Variants in FNDC3A observed in about 807,000 individuals in gnomAD.
FNDC3A encodes fibronectin type-III domain-containing protein 3A.
Under a neutral mutation model 148.9 loss-of-function variants are expected in FNDC3A, and 32 were observed. That is an observed-to-expected ratio of 0.21 (90% confidence interval 0.16 to 0.29). The LOEUF (loss-of-function observed/expected upper bound fraction) is 0.29, where lower values mean the gene tolerates loss of function less well. Ranked by LOEUF, FNDC3A falls within the 10% of genes least tolerant of loss-of-function variation. The pLI, the probability that FNDC3A is intolerant of heterozygous loss-of-function variation, is 1.00. For missense variants in FNDC3A, 1,191 were observed against 1,452.8 expected (o/e 0.82, Z 2.93); for synonymous variants, 472 against 473.6 (o/e 1.00, Z 0.04).
intron 2 of FNDC3A, among the ~76,000 whole-genome samples, chr13:49,058,764 C>T (rs1037401720): frequency 1.3e-5 from 2 of 152,202 alleles, no homozygotes; most frequent in African/African-American, 4.8e-5. Flanking sequence ...GTTTAAGTGT[C>T]TGCTGACTTT....
intron 2 of FNDC3A, among the ~76,000 whole-genome samples, chr13:49,064,914 G>T (rs867005907): frequency 1.3e-5 from 2 of 152,148 alleles, no homozygotes; most frequent in Non-Finnish European, 2.9e-5. Flanking sequence ...GAGACCTTCC[G>T]TGTCTGCTTA....
At chr13:49,111,554 C>T (rs923959732) in intron 3 of FNDC3A, among the ~76,000 whole-genome samples, 1 of 151,736 alleles carries the variant, frequency 6.6e-6, no homozygotes, top group Non-Finnish European at 1.5e-5. Context: ...GGTGAAACCC[C>T]GTCTCTACTA....
chr13:48,990,094 A>G (rs1220997176), intron 1 of FNDC3A, among the ~76,000 whole-genome samples: 1 of 152,120 alleles, frequency 6.6e-6, no homozygotes, highest in Non-Finnish European at 1.5e-5. Context: ...CAGAACAAAG[A>G]TAAGGGTGAC....
intron 14 of FNDC3A, 151 bp from the exon 15 acceptor site, chr13:49,185,813 C>T (rs1183871415): frequency 9.9e-6 from 6 of 608,100 alleles, no homozygotes; most frequent in South Asian, 6.4e-5. Flanking sequence ...CTATTGGAGA[C>T]AAGCAATTCT....
chr13:49,123,617 T>C (rs908841032), intron 4 of FNDC3A, among the ~76,000 whole-genome samples: 8 of 151,208 alleles, frequency 5.3e-5, no homozygotes, highest in African/African-American at 1.9e-4. Context: ...AAAGGGCTAA[T>C]ATCCAGAATA....
At chr13:49,172,285 A>G (rs894433491) in intron 11 of FNDC3A, among the ~76,000 whole-genome samples, 189 bp downstream of exon 11, 1 of 152,220 alleles carries the variant, frequency 6.6e-6, no homozygotes, top group African/African-American at 2.4e-5. Context: ...CCTATTTTCA[A>G]TAAATCACCA....
At chr13:48,997,610 A>T (rs1003061338) in intron 1 of FNDC3A, among the ~76,000 whole-genome samples, 1 of 152,182 alleles carries the variant, frequency 6.6e-6, no homozygotes, top group Non-Finnish European at 1.5e-5. Context: ...CTCTGCCTTG[A>T]GGACAAAAGG....
intron 1 of FNDC3A, among the ~76,000 whole-genome samples, chr13:48,982,704 G>C (rs1951715605): frequency 2.0e-5 from 3 of 152,260 alleles, no homozygotes; most frequent in Admixed American, 2.0e-4. Context: ...TCCATACTCT[G>C]TTGATATCCT....
intron 1 of FNDC3A, among the ~76,000 whole-genome samples, chr13:48,978,562 A>G (rs1302856037): frequency 2.6e-5 from 4 of 152,132 alleles, no homozygotes; most frequent in Non-Finnish European, 5.9e-5. Context: ...AAATGAATCT[A>G]GATCGTGTCT....
At chr13:49,019,450 C>A (rs1201612797) in intron 2 of FNDC3A, among the ~76,000 whole-genome samples, 1 of 152,220 alleles carries the variant, frequency 6.6e-6, no homozygotes, top group African/African-American at 2.4e-5. Context: ...AATGCCTCGC[C>A]CTGCTTCGGC....
At chr13:48,992,102 A>C (rs1951931557) in intron 1 of FNDC3A, among the ~76,000 whole-genome samples, 1 of 152,226 alleles carries the variant, frequency 6.6e-6, no homozygotes, top group South Asian at 2.1e-4. Flanking sequence ...AACCATCACA[A>C]GTTGGGGATT....
intron 6 of FNDC3A, among the ~76,000 whole-genome samples, chr13:49,138,064 T>C (rs1882482872): frequency 1.3e-5 from 2 of 152,214 alleles, no homozygotes; most frequent in Non-Finnish European, 2.9e-5. Context: ...GACTAGGAAC[T>C]AAAATGCTTC....
intron 6 of FNDC3A, 72 bp downstream of exon 6, chr13:49,136,673 T>C: frequency 6.9e-7 from 1 of 1,439,196 alleles, no homozygotes; most frequent in Non-Finnish European, 9.5e-7. Context: ...AAGTATATTC[T>C]AACCTTTCAG....
chr13:49,174,508 C>T lies in FNDC3A; in HGVS notation c.1304C>T (p.Pro435Leu). 1 of 1,612,334 alleles carries T rather than the reference C, an allele frequency of 6.2e-7. No homozygotes were observed. The highest frequency in any genetic ancestry group is 8.5e-7 in the Non-Finnish European group (1 of 1,178,660). Residue 435 changes from proline (P) to leucine (L), a missense_variant, in exon 12 of 26, where the codon CCA (proline) becomes CTA (leucine). Pro to Leu is a moderately conservative substitution (Grantham distance 98). Coordinates refer to ENST00000492622, the MANE Select transcript of FNDC3A (RefSeq NM_001079673.2). ...QKQFKITKLS[P>L]AMGCKFRLSA... ...CAATTTAAAATTACTAAACTTTCAC[C>T]AGCAATGGGCTGTAAATTCAGACTA... is the stretch of plus-strand genomic sequence containing the variant.
intron 2 of FNDC3A, among the ~76,000 whole-genome samples, chr13:49,052,656 C>T (rs577987350): frequency 1.3e-5 from 2 of 152,286 alleles, no homozygotes; most frequent in East Asian, 1.9e-4. Context: ...GGTTGGCCTA[C>T]AGCCAGGAGG....
At chr13:49,166,241 C>T (rs1566300012) in intron 8 of FNDC3A, among the ~76,000 whole-genome samples, 1 of 152,200 alleles carries the variant, frequency 6.6e-6, no homozygotes, top group Non-Finnish European at 1.5e-5. Context: ...CCCACAGCTG[C>T]AGTTGCTGCA....
intron 3 of FNDC3A, among the ~76,000 whole-genome samples, chr13:49,105,793 A>G (rs1880138328): frequency 6.6e-6 from 1 of 152,224 alleles, no homozygotes; most frequent in African/African-American, 2.4e-5. Context: ...ACTAGATCAT[A>G]GAGTATGCAT....
intron 7 of FNDC3A, 54 bp from the exon 8 acceptor site, chr13:49,145,724 C>T (rs530068609): frequency 8.7e-5 from 120 of 1,384,650 alleles, no homozygotes; most frequent in East Asian, 3.0e-4. Flanking sequence ...TTTCACTGCT[C>T]ATTGTATACA....
intron 1 of FNDC3A, among the ~76,000 whole-genome samples, chr13:48,977,904 C>T (rs1951631775): frequency 6.6e-6 from 1 of 150,616 alleles, no homozygotes; most frequent in Non-Finnish European, 1.5e-5. Flanking sequence ...ATTTTTTATC[C>T]CAGGCTGGCT....
Sources: allele counts gnomAD v4.1 joint callset (sites outside exome capture counted in the v4.1 genomes callset), GRCh38; gene constraint gnomAD v4.1.1; transcripts MANE v1.5; gene names NCBI Gene and HGNC (gene_info 2026-07-23, HGNC 2026-07-21).